The following RPS6KC1 variants were observed in gnomAD, a reference collection of about 807,000 sequenced individuals.
RPS6KC1 encodes the protein inactive ribosomal protein S6 kinase delta-1.
RPS6KC1 carries 54 observed loss-of-function variants against 103.8 expected under a neutral mutation model. That is an observed-to-expected ratio of 0.52 (90% CI 0.42 to 0.65). RPS6KC1 has a LOEUF of 0.65. RPS6KC1 is among the 30% of genes least tolerant of loss of function. The pLI is 0.00. For synonymous variants in RPS6KC1, 439 were observed against 438.7 expected (o/e 1.00, Z -0.01); for missense variants, 1,151 against 1,253.8 (o/e 0.92, Z 1.24).
chr1:213,808,623 C>A, the RPS6KC1 span, among the ~76,000 whole-genome samples: 576 of 152,368 alleles, frequency 3.8e-3, 4 homozygotes, highest in African/African-American at 0.012. Flanking sequence ...GTTATTTAAG[C>A]CCATTGGAAA....
chr1:213,348,303 G>C, the RPS6KC1 span, among the ~76,000 whole-genome samples: 1 of 152,200 alleles, frequency 6.6e-6, no homozygotes, highest in Non-Finnish European at 1.5e-5. Flanking sequence ...ACAGAGGACT[G>C]TGATAATAAA....
chr1:213,516,867 T>C, the RPS6KC1 span, among the ~76,000 whole-genome samples: 1 of 152,196 alleles, frequency 6.6e-6, no homozygotes, highest in South Asian at 2.1e-4. Flanking sequence ...TGGACTCTTT[T>C]TCGTTGGTAA....
the RPS6KC1 span, among the ~76,000 whole-genome samples, chr1:213,519,172 G>C: frequency 2.0e-5 from 3 of 152,094 alleles, no homozygotes; most frequent in African/African-American, 7.2e-5. Context: ...CTGTTGTTCT[G>C]CAGTCAACAA....
chr1:213,261,454 T>C, intron 12 of RPS6KC1, 104 bp from the exon 13 acceptor site: 1 of 982,954 alleles, frequency 1.0e-6, no homozygotes, highest in South Asian at 1.4e-5. Context: ...GTATTTAGTA[T>C]ATGCTCTCTC....
intron 10 of RPS6KC1, among the ~76,000 whole-genome samples, chr1:213,238,763 C>CT (rs1480244804): frequency 6.6e-6 from 1 of 152,146 alleles, no homozygotes; most frequent in Non-Finnish European, 1.5e-5. Flanking sequence ...TACGGTACAT[C>CT]TCATCATCTG....
At chr1:213,288,077 C>G in the RPS6KC1 span, among the ~76,000 whole-genome samples, 616 of 152,284 alleles carry the variant, frequency 4.0e-3, 6 homozygotes, top group African/African-American at 0.014. Context: ...CAGAGTGAGG[C>G]GGATGATCCT....
At chr1:213,412,116 T>C in the RPS6KC1 span, among the ~76,000 whole-genome samples, 1 of 152,292 alleles carries the variant, frequency 6.6e-6, no homozygotes, top group Admixed American at 6.5e-5. Context: ...CCTGGTCTGC[T>C]CCCCATCATA....
At chr1:213,712,974 A>G in the RPS6KC1 span, among the ~76,000 whole-genome samples, 4 of 152,158 alleles carry the variant, frequency 2.6e-5, no homozygotes, top group South Asian at 8.3e-4. Context: ...TTGCCTGGGA[A>G]TCGGTTTTTG....
At chr1:213,398,441 T>C in the RPS6KC1 span, among the ~76,000 whole-genome samples, 3 of 152,058 alleles carry the variant, frequency 2.0e-5, no homozygotes, top group Non-Finnish European at 2.9e-5. Context: ...AACAGAAATA[T>C]GGCACCACCT....
the RPS6KC1 span, among the ~76,000 whole-genome samples, chr1:213,465,209 AG>A: frequency 6.6e-6 from 1 of 152,108 alleles, no homozygotes; most frequent in African/African-American, 2.4e-5. Flanking sequence ...TCTCTTTTGC[AG>A]GTGTTGCTCT....
the RPS6KC1 span, among the ~76,000 whole-genome samples, chr1:213,755,518 C>A: frequency 6.6e-6 from 1 of 152,174 alleles, no homozygotes; most frequent in Non-Finnish European, 1.5e-5. Flanking sequence ...AGCCTCCAGT[C>A]AAATGGTGAG....
chr1:213,164,228 T>C (rs997415522), intron 6 of RPS6KC1, among the ~76,000 whole-genome samples: 2 of 152,234 alleles, frequency 1.3e-5, no homozygotes, highest in African/African-American at 4.8e-5. Flanking sequence ...GATGGCTTCT[T>C]GGATAAGTTA....
the RPS6KC1 span, among the ~76,000 whole-genome samples, chr1:213,813,001 C>G: frequency 6.6e-6 from 1 of 151,974 alleles, no homozygotes; most frequent in Non-Finnish European, 1.5e-5. Flanking sequence ...ACCTGTAATC[C>G]CAGCACTTTG....
the RPS6KC1 span, among the ~76,000 whole-genome samples, chr1:213,800,394 G>A: frequency 6.6e-6 from 1 of 152,176 alleles, no homozygotes; most frequent in Non-Finnish European, 1.5e-5. Context: ...GTGATTTAAT[G>A]TGGAAGTGGG....
At chr1:213,637,492 C>T in the RPS6KC1 span, among the ~76,000 whole-genome samples, 1 of 152,020 alleles carries the variant, frequency 6.6e-6, no homozygotes, top group Non-Finnish European at 1.5e-5. Context: ...GTGCAGCAAA[C>T]CAACATGGCA....
the RPS6KC1 span, among the ~76,000 whole-genome samples, chr1:213,773,791 G>T: frequency 6.6e-6 from 1 of 152,152 alleles, no homozygotes; most frequent in Admixed American, 6.5e-5. Context: ...CATTATAGAG[G>T]ATGGTCTCTT....
chr1:213,706,034 G>C, the RPS6KC1 span, among the ~76,000 whole-genome samples: 2 of 152,178 alleles, frequency 1.3e-5, no homozygotes, highest in African/African-American at 4.8e-5. Context: ...GGAGTCATGA[G>C]CTGTGCAACC....
At position 213,142,744 on chromosome 1, in the gene RPS6KC1, C is replaced by G. The variant is rs536418486; in HGVS notation, c.835+12855C>G. 4.6e-5 allele frequency among the ~76,000 whole-genome samples: 7 copies of G among 152,092 alleles called. No homozygotes were observed. The South Asian group carries it at 1.5e-3, about 32-fold the overall frequency. ...ATTCCCTCTAACAGCAAAAAGATTG[C>G]GACTTACTGAAGGCTCGGATGATCG... On this transcript the variant is annotated intron_variant, in intron 6 of 14. Coordinates refer to ENST00000366960, the MANE Select transcript of RPS6KC1 (RefSeq NM_012424.6).
the RPS6KC1 span, among the ~76,000 whole-genome samples, chr1:213,587,338 A>G: frequency 5.9e-5 from 9 of 152,170 alleles, no homozygotes; most frequent in South Asian, 2.1e-4. Flanking sequence ...TTAAAAACCA[A>G]TGGTGGCATC....
Sources: gnomAD v4.1 joint callset for allele counts (sites outside exome capture counted in the v4.1 genomes callset) on GRCh38, gnomAD v4.1.1 for gene constraint, MANE v1.5 for transcripts, NCBI Gene and HGNC (gene_info 2026-07-23, HGNC 2026-07-21) for gene names.